NEB: variants seen among roughly 807,000 people sequenced by gnomAD.
The protein encoded by NEB is nemaline myopathy type 2.
Under a neutral mutation model 952.2 loss-of-function variants are expected in NEB, and 512 were observed. The observed-to-expected ratio is 0.54, with a 90% CI of 0.50 to 0.58. The LOEUF is 0.58. NEB is among the 20% of genes least tolerant of loss of function. The probability of loss-of-function intolerance (pLI) is 0.00; values close to 1 mark genes in which losing one functional copy is unlikely to be tolerated. For synonymous variants in NEB, 2,900 were observed against 3,149.8 expected, an observed-to-expected ratio of 0.92 and a Z score of 2.66; for missense variants, 8,428 against 9,231.1, an observed-to-expected ratio of 0.91 and a Z score of 3.56.
intron 72 of NEB, 149 bp from the exon 73 acceptor site, chr2:151,619,911 G>T: frequency 2.5e-6 from 2 of 790,354 alleles, no homozygotes; most frequent in Non-Finnish European, 1.9e-6. Context: ...GGACTGTTGT[G>T]CTCATTGGCA....
At chr2:151,651,482 T>C (rs2099029090) in intron 52 of NEB, among the ~76,000 whole-genome samples, 1 of 152,210 alleles carries the variant, frequency 6.6e-6, no homozygotes, top group African/African-American at 2.4e-5. Flanking sequence ...TGTGGTTACG[T>C]CATATAACCT....
At chr2:151,493,495 C>T in intron 175 of NEB, 50 bp from the exon 176 acceptor site, 1 of 1,246,462 alleles carries the variant, frequency 8.0e-7, no homozygotes, top group East Asian at 2.4e-5. Flanking sequence ...AAAACCAGGT[C>T]TGAAAATCAT....
Position 151,678,161 on chromosome 2 carries a change from C to T in NEB, c.3282G>A (p.Lys1094=). The T allele has an allele frequency of 6.2e-7, 1 of 1,609,842 alleles. No individual in the cohort carries two copies. Among genetic ancestry groups the T allele is most frequent in the African/African-American group, 1.3e-5 (1 of 74,664 alleles). The part of the protein sequence containing the change: ...SDVQYKKDYE[K]AKGKMVGFQS... ...GGAAGCCAACCATTTTCCCTTTAGC[C>T]TTTTCATAGTCTTTTTTGTACTGAA... The change falls in exon 33 of 182, where the codon AAG becomes AAA. Residue 1094 remains lysine (K), a synonymous_variant. Transcript: ENST00000397345.
chr2:151,720,747 C>T (rs1321308542), intron 9 of NEB, among the ~76,000 whole-genome samples: 1 of 152,326 alleles, frequency 6.6e-6, no homozygotes, highest in Non-Finnish European at 1.5e-5. Context: ...TTTGTTCCCT[C>T]ATCCTTTTGC....
intron 20 of NEB, among the ~76,000 whole-genome samples, chr2:151,693,349 G>A (rs553229607): frequency 9.3e-4 from 142 of 152,144 alleles, no homozygotes; most frequent in East Asian, 3.7e-3. Context: ...GTGGTTTGCT[G>A]CACAGATCAT....
rs147381051 is a variant in NEB at position 151,671,739 on chromosome 2, A to G, written c.4300-510T>C. On this transcript the variant is annotated intron_variant, in intron 37 of 181. Transcript: ENST00000397345. Reference sequence around the variant, plus strand: ...TACATCCATACTGTCCACCTAGGCTATGCTTGAGCTCATCTGGGGAGCAAT... The same window carrying G: ...TACATCCATACTGTCCACCTAGGCTGTGCTTGAGCTCATCTGGGGAGCAAT... 1.4e-3 allele frequency among the ~76,000 whole-genome samples: 213 copies of G among 152,332 alleles called. 2 individuals carry two copies. The highest frequency in any genetic ancestry group is 2.6e-3 in the Non-Finnish European group (176 of 68,016).
intron 48 of NEB, 86 bp from the exon 49 acceptor site, chr2:151,656,550 T>A (rs928663541): frequency 2.8e-6 from 2 of 712,900 alleles, no homozygotes; most frequent in African/African-American, 3.7e-5. Flanking sequence ...TATTTTTGTA[T>A]AATTATAAAA....
rs758586764 is a variant in NEB at position 151,610,542 on chromosome 2, T to C, written c.11992A>G (p.Lys3998Glu). 5 of 1,613,068 alleles carry C rather than the reference T, an allele frequency of 3.1e-6. No individual in the cohort carries two copies. The highest frequency in any genetic ancestry group is 2.7e-5 in the African/African-American group (2 of 74,892). The change falls in exon 80 of 182, where the codon AAG (lysine) becomes GAG (glutamate). Residue 3998 changes from lysine (K) to glutamate (E), a missense_variant. Coordinates refer to ENST00000397345, the MANE Select transcript of NEB (RefSeq NM_001164508.2). ...RADAISIKSA[K>E]ASRDIASDYK... ...TCACTGGCGATGTCCCTGGAGGCCT[T>C]GGCACTTTTGATGGAAATAGCATCT...
At chr2:151,712,329 A>G (rs2099747580) in intron 10 of NEB, among the ~76,000 whole-genome samples, 1 of 152,228 alleles carries the variant, frequency 6.6e-6, no homozygotes, top group Admixed American at 6.5e-5. Context: ...GGCATTTATC[A>G]AGAAATAGGC....
chr2:151,685,672 GGAC>G (rs1559235775), intron 27 of NEB, among the ~76,000 whole-genome samples: 3 of 152,190 alleles, frequency 2.0e-5, no homozygotes. Flanking sequence ...TGGGCCTCAA[GGAC>G]TCCCTTCATT....
chr2:151,717,286 G>A lies in NEB; in HGVS notation c.822+130C>T, dbSNP rs540984657. The A allele has an allele frequency of 8.8e-5, 63 of 712,784 alleles. No homozygotes were observed. In the South Asian group the frequency reaches 9.8e-4, roughly 11 times the overall value. The allele number at this position is 712,784 out of a possible 1,614,324, so 44.2% of individuals were successfully genotyped here. ...ATTGCTTTTGCTGTAGAGTCTTTGG[G>A]GATCATATGTAAAAATACTCCTAGT... On this transcript the variant is annotated intron_variant, in intron 10 of 181. Coordinates refer to ENST00000397345, the MANE Select transcript of NEB (RefSeq NM_001164508.2).
At chr2:151,561,435 G>A in intron 121 of NEB, 123 bp from the exon 122 acceptor site, 2 of 698,498 alleles carry the variant, frequency 2.9e-6, no homozygotes, top group Non-Finnish European at 5.0e-6. Context: ...TAACAAACAG[G>A]CTGTCATTCT....
rs770687273 is a variant in NEB, at chr2:151,650,221, G to A, written c.7386C>T (p.Ala2462=). 44 of 1,613,836 alleles carry A rather than the reference G, an allele frequency of 2.7e-5. No homozygotes were observed. The highest frequency in any genetic ancestry group is 3.7e-5 in the Non-Finnish European group (44 of 1,179,834). The change falls in exon 54 of 182, where the codon GCC becomes GCT. Residue 2462 remains alanine, a synonymous_variant. Transcript: ENST00000397345. ...DRNKFTSIPD[A]MDIVLAKTNA... is the part of the protein sequence containing the mutation. ...TTGTCTTTGCCAGAACTATATCCAT[G>A]GCATCAGGAATGCTGGTGAACTTGT...
chr2:151,493,936 TG>T (rs2058425108), intron 174 of NEB, 69 bp from the exon 175 acceptor site: 1 of 1,136,144 alleles, frequency 8.8e-7, no homozygotes, highest in Non-Finnish European at 1.2e-6. Flanking sequence ...TATTGCAAGT[TG>T]GGGGGAAATG....
chr2:151,538,386 T>C (rs1314608456), intron 138 of NEB, 142 bp from the exon 139 acceptor site: 4 of 632,570 alleles, frequency 6.3e-6, no homozygotes, highest in Non-Finnish European at 1.1e-5. Flanking sequence ...TTTCAGACCC[T>C]AGAAGAGAAA....
intron 12 of NEB, among the ~76,000 whole-genome samples, chr2:151,709,269 C>T (rs2099736640): frequency 6.6e-6 from 1 of 152,182 alleles, no homozygotes; most frequent in African/African-American, 2.4e-5. Flanking sequence ...AGAAGTCCTG[C>T]TGTCTAAGAT....
In NEB at chr2:151,541,375, C is replaced by T. The variant is rs543596736; in HGVS notation, c.20682+72G>A. The stretch of plus-strand genomic sequence containing the variant: ...CCAAGTGTGTGAGTCTGCCACTGGC[C>T]AGGTGAGGCCAGGCACATATAATCA... On this transcript the variant is annotated intron_variant, in intron 136 of 181. Coordinates refer to ENST00000397345, the MANE Select transcript of NEB (RefSeq NM_001164508.2). 1.5e-5 allele frequency: 17 copies of T among 1,148,796 alleles called. No individual in the cohort carries two copies. In the African/African-American group the frequency reaches 2.3e-4, roughly 16 times the overall value. The allele number at this position is 1,148,796 out of a possible 1,614,324, so 71.2% of individuals were successfully genotyped here.
At position 151,697,262 on chromosome 2, in the gene NEB, GA is replaced by G. The variant is rs2149354473; in HGVS notation, c.1366-11del. ...CTGCTTTGTAGTTTTTCTATGAGGA[GA>G]AGAAATTAGGCATAAGATGCAGCCA... On this transcript the variant is annotated splice_polypyrimidine_tract_variant and intron_variant, in intron 15 of 181. Transcript: ENST00000397345. 1 of 1,612,594 alleles carries G rather than the reference GA, an allele frequency of 6.2e-7. No individual in the cohort carries two copies. Among genetic ancestry groups the G allele is most frequent in the Admixed American group, 1.7e-5 (1 of 60,030 alleles).
chr2:151,531,207 T>G, intron 144 of NEB, 106 bp from the exon 145 acceptor site: 1 of 757,332 alleles, frequency 1.3e-6, no homozygotes, highest in Non-Finnish European at 2.2e-6. Context: ...GAAAGAGAAT[T>G]CTATGAATTT....
Sources: gnomAD v4.1 joint callset for allele counts (sites outside exome capture counted in the v4.1 genomes callset) on GRCh38, gnomAD v4.1.1 for gene constraint, MANE v1.5 for transcripts, NCBI Gene and HGNC (gene_info 2026-07-23, HGNC 2026-07-21) for gene names.